Variants in NAALADL2 observed in about 807,000 individuals in gnomAD.
The protein encoded by NAALADL2 is N-acetylated alpha-linked acidic dipeptidase like 2.
NAALADL2 carries 76 observed loss-of-function variants against 87.2 expected under a neutral mutation model. That is an observed-to-expected ratio of 0.87 (90% CI 0.72 to 1.05). The LOEUF is 1.05. NAALADL2 is among the 50% of genes least tolerant of loss of function. The probability of loss-of-function intolerance (pLI) is 0.00; values close to 1 mark genes in which losing one functional copy is unlikely to be tolerated. For missense variants in NAALADL2, 1,089 were observed against 945.8 expected, an observed-to-expected ratio of 1.15 and a Z score of -1.99; for synonymous variants, 354 against 331.0, an observed-to-expected ratio of 1.07 and a Z score of -0.75.
At chr3:175,036,060 T>C (rs914433435) in intron 1 of NAALADL2, among the ~76,000 whole-genome samples, 2 of 152,206 alleles carry the variant, frequency 1.3e-5, no homozygotes, top group Non-Finnish European at 2.9e-5. Context: ...AGGTCAGTAA[T>C]TTGGAAAGCG....
chr3:174,822,087 G>A (rs1320419550), intron 3 of NAALADL2, among the ~76,000 whole-genome samples: 4 of 152,046 alleles, frequency 2.6e-5, no homozygotes, highest in African/African-American at 9.7e-5. Context: ...GTCAAATAAT[G>A]TACAGGCTAG....
intron 2 of NAALADL2, among the ~76,000 whole-genome samples, chr3:175,199,866 T>TATA (rs1739743130): frequency 1.6e-3 from 16 of 10,016 alleles, no homozygotes; most frequent in East Asian, 4.2e-3. Flanking sequence ...ATATATATAT[T>TATA]TTTTTTTTTT....
intron 3 of NAALADL2, among the ~76,000 whole-genome samples, chr3:174,823,207 G>GTTT (rs1397651910): frequency 3.3e-5 from 5 of 151,482 alleles, no homozygotes; most frequent in African/African-American, 9.7e-5. Context: ...TGTTGTTGTT[G>GTTT]TTGTCTGTTT....
At chr3:175,446,324 C>T (rs535180652) in intron 5 of NAALADL2, among the ~76,000 whole-genome samples, 1 of 152,188 alleles carries the variant, frequency 6.6e-6, no homozygotes, top group South Asian at 2.1e-4. Flanking sequence ...TCACTGCAAC[C>T]TCTGCCTCCC....
chr3:175,721,024 T>A (rs182309343), intron 11 of NAALADL2, among the ~76,000 whole-genome samples: 1 of 152,062 alleles, frequency 6.6e-6, no homozygotes, highest in East Asian at 1.9e-4. Context: ...TAACTAATTT[T>A]TGACTATAAA....
At chr3:175,050,780 T>A (rs1306163321) in intron 1 of NAALADL2, among the ~76,000 whole-genome samples, 1 of 152,220 alleles carries the variant, frequency 6.6e-6, no homozygotes, top group Non-Finnish European at 1.5e-5. Context: ...TATTTTATTA[T>A]GACCACATCT....
At chr3:174,723,625 G>A (rs575758682) in intron 2 of NAALADL2, among the ~76,000 whole-genome samples, 1 of 151,660 alleles carries the variant, frequency 6.6e-6, no homozygotes, top group African/African-American at 2.4e-5. Context: ...GCATGGTGGC[G>A]GGCGCCTGTA....
chr3:174,730,367 C>T (rs1357715261), intron 2 of NAALADL2, among the ~76,000 whole-genome samples: 1 of 152,050 alleles, frequency 6.6e-6, no homozygotes, highest in Non-Finnish European at 1.5e-5. Flanking sequence ...AACAGATCAT[C>T]TGAACAGTGG....
chr3:175,725,532 G>A (rs756580423), intron 11 of NAALADL2, among the ~76,000 whole-genome samples: 5 of 152,054 alleles, frequency 3.3e-5, no homozygotes, highest in Non-Finnish European at 7.4e-5. Context: ...TTTTAAATAG[G>A]TGTAATCAGC....
chr3:175,284,346 G>A (rs954001983), intron 4 of NAALADL2, among the ~76,000 whole-genome samples: 1 of 151,856 alleles, frequency 6.6e-6, no homozygotes, highest in African/African-American at 2.4e-5. Context: ...TTCATCACCA[G>A]GAAACTGAAT....
chr3:175,739,612 G>A (rs1427158813), intron 12 of NAALADL2, among the ~76,000 whole-genome samples: 1 of 152,032 alleles, frequency 6.6e-6, no homozygotes, highest in East Asian at 1.9e-4. Flanking sequence ...TAATCCCCAT[G>A]GACTTCACAT....
At chr3:174,704,186 T>C (rs949112068) in intron 2 of NAALADL2, among the ~76,000 whole-genome samples, 1 of 152,164 alleles carries the variant, frequency 6.6e-6, no homozygotes, top group Non-Finnish European at 1.5e-5. Flanking sequence ...TCTGGTGATA[T>C]GATAAAGTGT....
intron 2 of NAALADL2, among the ~76,000 whole-genome samples, chr3:175,226,816 C>G (rs975844830): frequency 6.6e-6 from 1 of 152,046 alleles, no homozygotes; most frequent in Non-Finnish European, 1.5e-5. Context: ...CATTTAATTC[C>G]TTGCTGCTAT....
Position 175,463,418 on chromosome 3 carries a change from A to C in NAALADL2, c.1252A>C (p.Met418Leu), listed in dbSNP as rs1272254993. ...TTTTTCAGAAATAAGAGTCGTCAGC[A>C]TGCAAGTTCAGACAGTCACAAAATT... ...LPNNEIRVVS[M>L]QVQTVTKLKT... Residue 418 changes from methionine to leucine, a missense_variant, in exon 7 of 14, where the codon ATG becomes CTG. Transcript: ENST00000454872. The C allele has an allele frequency of 1.9e-6, 3 of 1,589,732 alleles. No individual in the cohort carries two copies. Among genetic ancestry groups the C allele is most frequent in the South Asian group, 2.3e-5 (2 of 85,466 alleles).
chr3:174,903,733 G>C (rs973440652), intron 1 of NAALADL2, among the ~76,000 whole-genome samples: 1 of 151,886 alleles, frequency 6.6e-6, no homozygotes, highest in Non-Finnish European at 1.5e-5. Flanking sequence ...TAGCTGGAAG[G>C]ATGCAGTGTT....
intron 13 of NAALADL2, among the ~76,000 whole-genome samples, chr3:175,796,945 CTTTT>C (rs10706498): frequency 7.0e-6 from 1 of 143,028 alleles, no homozygotes; most frequent in Non-Finnish European, 1.5e-5. Context: ...AAATTCATGG[CTTTT>C]TTTTTTTCAG....
intron 11 of NAALADL2, among the ~76,000 whole-genome samples, chr3:175,688,838 G>T (rs1736669346): frequency 6.6e-6 from 1 of 152,148 alleles, no homozygotes; most frequent in South Asian, 2.1e-4. Context: ...AGAAAGGGAG[G>T]CACCTGGGCT....
chr3:175,111,540 T>C (rs1724191826), intron 2 of NAALADL2, among the ~76,000 whole-genome samples: 1 of 151,720 alleles, frequency 6.6e-6, no homozygotes, highest in Non-Finnish European at 1.5e-5. Context: ...ACTTACGATC[T>C]TTTTCAGATA....
intron 3 of NAALADL2, among the ~76,000 whole-genome samples, chr3:174,780,897 GT>G (rs1188632986): frequency 2.6e-5 from 4 of 152,164 alleles, no homozygotes; most frequent in African/African-American, 9.6e-5. Context: ...AATTTCGTAT[GT>G]TTTTTCAGTG....
Sources: gnomAD v4.1 joint callset for allele counts (sites outside exome capture counted in the v4.1 genomes callset) on GRCh38, gnomAD v4.1.1 for gene constraint, MANE v1.5 for transcripts, NCBI Gene and HGNC (gene_info 2026-07-23, HGNC 2026-07-21) for gene names.